The following CX3CR1 variants were observed in gnomAD, a reference collection of about 807,000 sequenced individuals.
CX3CR1 encodes CX3C chemokine receptor 1.
For synonymous variants in CX3CR1, 168 were observed against 178.5 expected, an observed-to-expected ratio of 0.94 and a Z score of 0.47; for missense variants, 363 against 432.4, an observed-to-expected ratio of 0.84 and a Z score of 1.42.
chr3:39,265,631 A>G lies in CX3CR1; in HGVS notation c.879T>C (p.Tyr293=). 2 of 1,614,266 alleles carry G rather than the reference A, an allele frequency of 1.2e-6. No individual in the cohort carries two copies. The highest frequency in any genetic ancestry group is 2.2e-5 in the South Asian group (2 of 91,088). The change falls in exon 2 of 2, where the codon TAT becomes TAC. Residue 293 remains tyrosine, a synonymous_variant. Transcript: ENST00000399220. ...TTCTGAACTTCTCCCCAGCAAATGC[A>G]TAGATGAGAGGATTCAGGCAACAAT... The part of the protein sequence containing the change: ...FSHCCLNPLI[Y]AFAGEKFRRY...
chr3:39,281,798 G>T, upstream of CX3CR1: 1 of 883,866 alleles, frequency 1.1e-6, no homozygotes, highest in Non-Finnish European at 1.8e-6. Flanking sequence ...GCCCGTGGCA[G>T]GCTCTCTTCC....
chr3:39,280,218 G>A (rs1205613780), upstream of CX3CR1: 1 of 985,558 alleles, frequency 1.0e-6, no homozygotes, highest in Non-Finnish European at 1.2e-6. Flanking sequence ...AGGGAAGACT[G>A]CGGAGCTGGA....
At chr3:39,280,226 G>A, upstream of CX3CR1, 1 of 985,766 alleles carries the variant, frequency 1.0e-6, no homozygotes, top group African/African-American at 1.7e-5. Flanking sequence ...CTGCGGAGCT[G>A]GAGGGAGAGA....
chr3:39,265,654 A>G lies in CX3CR1; in HGVS notation c.856T>C (p.Cys286Arg), dbSNP rs1003716920. The G allele has an allele frequency of 3.7e-6, 6 of 1,614,180 alleles. No homozygotes were observed. The highest frequency in any genetic ancestry group is 5.1e-6 in the Non-Finnish European group (6 of 1,180,030). Reference protein sequence around the residue: ...SVTETVAFSHCCLNPLIYAFA... With the variant: ...SVTETVAFSHRCLNPLIYAFA... ...GCATAGATGAGAGGATTCAGGCAAC[A>G]ATGGCTAAATGCAACCGTCTCAGTC... The change falls in exon 2 of 2, where the codon TGT becomes CGT. Residue 286 changes from cysteine to arginine, a missense_variant. Coordinates refer to ENST00000399220, the MANE Select transcript of CX3CR1 (RefSeq NM_001337.4).
intron 1 of CX3CR1, among the ~76,000 whole-genome samples, chr3:39,272,916 C>T (rs1443802637): frequency 1.3e-5 from 2 of 152,214 alleles, no homozygotes; most frequent in African/African-American, 4.8e-5. Context: ...GCTCCACACA[C>T]AAGATCCCAC....
At chr3:39,274,046 G>A (rs1419412899) in intron 1 of CX3CR1, among the ~76,000 whole-genome samples, 1 of 152,170 alleles carries the variant, frequency 6.6e-6, no homozygotes, top group Non-Finnish European at 1.5e-5. Flanking sequence ...ACACTTCTGG[G>A]GCACAGCCTG....
Position 39,265,678 on chromosome 3 carries a change from T to C in CX3CR1, c.832A>G (p.Thr278Ala), listed in dbSNP as rs542002411. Residue 278 changes from threonine to alanine, a missense_variant, in exon 2 of 2, where the codon ACT becomes GCT. Physicochemically the swap from Thr to Ala is moderately conservative, Grantham distance 58. Coordinates refer to ENST00000399220, the MANE Select transcript of CX3CR1 (RefSeq NM_001337.4). ...CAATGGCTAAATGCAACCGTCTCAG[T>C]CACACTGAGGGCCAGCCTCAGATCC... ...RKDLRLALSVTETVAFSHCCL... is the reference protein window; with the variant it reads ...RKDLRLALSVAETVAFSHCCL... 78 of 1,614,038 alleles carry C rather than the reference T, an allele frequency of 4.8e-5. No individual in the cohort carries two copies. The South Asian group carries it at 8.3e-4, about 17-fold the overall frequency.
Position 39,265,453 on chromosome 3 carries a change from G to T in CX3CR1, c.1057C>A (p.Leu353Ile), listed in dbSNP as rs1575205396. 6.2e-7 allele frequency: 1 copy of T among 1,608,746 alleles called. No individual in the cohort carries two copies. Among genetic ancestry groups the T allele is most frequent in the African/African-American group, 1.3e-5 (1 of 74,934 alleles). The part of the protein sequence containing the change: ...TYHTSDGDAL[L>I]LL ...CTTTGGGATTCCCTTCAGAGAAGGA[G>T]CAATGCATCTCCATCACTCGTGTGG... is the stretch of plus-strand genomic sequence containing the variant. Residue 353 changes from leucine to isoleucine, a missense_variant, in exon 2 of 2, where the codon CTC (leucine) becomes ATC (isoleucine). By Grantham distance (5) the Leu-to-Ile change is conservative (BLOSUM62 2). Transcript: ENST00000399220.
At position 39,266,177 on chromosome 3, in the gene CX3CR1, G is replaced by A. The variant is rs374850418; in HGVS notation, c.333C>T (p.Ile111=). The A allele has an allele frequency of 1.3e-5, 21 of 1,614,064 alleles. No individual in the cohort carries two copies. The highest frequency in any genetic ancestry group is 5.3e-5 in the African/African-American group (4 of 74,900). ...TGAAGAATATGCTTCCAAAAAAGCCGATGAAGAAGAAGGCGGTAGTGAATT... is the reference window on the plus strand; with the variant it reads ...TGAAGAATATGCTTCCAAAAAAGCCAATGAAGAAGAAGGCGGTAGTGAATT... ...MCKFTTAFFF[I]GFFGSIFFIT... The change falls in exon 2 of 2, where the codon ATC becomes ATT. Residue 111 remains isoleucine (I), a synonymous_variant. Transcript: ENST00000399220.
In CX3CR1 at chr3:39,265,189, T is replaced by G; in HGVS notation, c.*253A>C. ...TAAACTAGTCTGAGTTGAATTTTTG[T>G]CATCTGCAAACCAAAAAGTTCTGAT... On this transcript the variant is annotated 3_prime_UTR_variant, in exon 2 of 2. Transcript: ENST00000399220. 1 of 428,442 alleles carries G rather than the reference T, an allele frequency of 2.3e-6. No individual in the cohort carries two copies. The highest frequency in any genetic ancestry group is 4.1e-6 in the Non-Finnish European group (1 of 241,726). The allele number at this position is 428,442 out of a possible 1,614,324, so 26.5% of individuals were successfully genotyped here.
chr3:39,272,877 G>T (rs2040794383), intron 1 of CX3CR1, among the ~76,000 whole-genome samples: 2 of 152,198 alleles, frequency 1.3e-5, no homozygotes, highest in Admixed American at 6.5e-5. Context: ...GGAGGAGGCT[G>T]CCATTCCCGG....
At chr3:39,281,683 G>A (rs760854759), upstream of CX3CR1, 1 of 1,598,692 alleles carries the variant, frequency 6.3e-7, no homozygotes, top group South Asian at 1.1e-5. Flanking sequence ...AACGCCTCCA[G>A]GGGTTCTCTC....
intron 1 of CX3CR1, among the ~76,000 whole-genome samples, chr3:39,273,633 C>G (rs547862489): frequency 6.6e-6 from 1 of 152,310 alleles, no homozygotes; most frequent in African/African-American, 2.4e-5. Flanking sequence ...CAGCAAGAAT[C>G]AAACAGAAGG....
chr3:39,273,170 G>T (rs1430145627), intron 1 of CX3CR1, among the ~76,000 whole-genome samples: 2 of 152,244 alleles, frequency 1.3e-5, no homozygotes, highest in Admixed American at 1.3e-4. Flanking sequence ...GTAGACCCAG[G>T]CCCCTTAAGA....
chr3:39,266,362 A>G lies in CX3CR1; in HGVS notation c.148T>C (p.Leu50=), dbSNP rs1304456490. ...VIFAIGLVGN[L]LVVFALTNSK... is the part of the protein sequence containing the mutation. ...TTGGTGAGGGCAAACACTACCAACA[A>G]ATTTCCCACCAGGCCAATGGCAAAG... Residue 50 remains leucine, a synonymous_variant, in exon 2 of 2, where the codon TTG becomes CTG. Coordinates refer to ENST00000399220, the MANE Select transcript of CX3CR1 (RefSeq NM_001337.4). The G allele has an allele frequency of 1.2e-6, 2 of 1,614,060 alleles. No individual in the cohort carries two copies. Among genetic ancestry groups the G allele is most frequent in the African/African-American group, 1.3e-5 (1 of 74,916 alleles).
At chr3:39,281,493 C>T, upstream of CX3CR1, 1 of 929,500 alleles carries the variant, frequency 1.1e-6, no homozygotes, top group South Asian at 1.5e-5. Flanking sequence ...ATCCACCCCA[C>T]ATCAGTAATC....
Position 39,263,894 on chromosome 3 carries a change from T to C in CX3CR1, c.*1548A>G, listed in dbSNP as rs550625735. ...GAATGACAATATTGATGTGGTTAGATTGGATGACTTTTTCTTTAGCATTAT... is the reference window on the plus strand; with the variant it reads ...GAATGACAATATTGATGTGGTTAGACTGGATGACTTTTTCTTTAGCATTAT... On this transcript the variant is annotated 3_prime_UTR_variant, in exon 2 of 2. Coordinates refer to ENST00000399220, the MANE Select transcript of CX3CR1 (RefSeq NM_001337.4). 6.6e-6 allele frequency: 1 copy of C among 152,082 alleles called. No homozygotes were observed. The highest frequency in any genetic ancestry group is 2.4e-5 in the African/African-American group (1 of 41,440). 9.4% of individuals were successfully genotyped at this position (152,082 alleles called of 1,614,324 possible).
chr3:39,279,197 CA>C (rs905251823), intron 1 of CX3CR1, among the ~76,000 whole-genome samples: 2 of 150,522 alleles, frequency 1.3e-5, no homozygotes, highest in African/African-American at 2.4e-5. Flanking sequence ...ACCCAAAAAA[CA>C]AAAAACAAAC....
upstream of CX3CR1, among the ~76,000 whole-genome samples, chr3:39,284,186 T>TG (rs1412407904): frequency 5.3e-5 from 8 of 151,730 alleles, no homozygotes; most frequent in East Asian, 3.9e-4. Flanking sequence ...AGTTTTTTTT[T>TG]TTTGTTTGTT....
Sources: allele counts gnomAD v4.1 joint callset (sites outside exome capture counted in the v4.1 genomes callset), GRCh38; gene constraint gnomAD v4.1.1; transcripts MANE v1.5; gene names NCBI Gene and HGNC (gene_info 2026-07-23, HGNC 2026-07-21).